The following PDE9A variants were observed in gnomAD, a reference collection of about 807,000 sequenced individuals.
PDE9A encodes the protein high affinity cGMP-specific 3',5'-cyclic phosphodiesterase 9A.
In PDE9A, 60 loss-of-function variants were observed where a neutral mutation model predicts 87.4. The ratio of observed to expected loss-of-function variants is 0.69; its 90% confidence interval spans 0.56 to 0.85. PDE9A has a LOEUF of 0.85. Among genes scored for constraint, PDE9A ranks in the 40% least tolerant of loss-of-function variants. PDE9A has a pLI of 0.00. For missense variants in PDE9A, 665 were observed against 779.0 expected, an observed-to-expected ratio of 0.85 and a Z score of 1.74; for synonymous variants, 272 against 279.4, an observed-to-expected ratio of 0.97 and a Z score of 0.27.
intron 3 of PDE9A, among the ~76,000 whole-genome samples, chr21:42,688,816 C>T (rs1378008681): frequency 1.3e-5 from 2 of 152,236 alleles, no homozygotes. Context: ...GTGTCCTGCC[C>T]AACTGACCCA....
At chr21:42,707,000 T>A (rs1441845645) in intron 4 of PDE9A, among the ~76,000 whole-genome samples, 2 of 152,166 alleles carry the variant, frequency 1.3e-5, no homozygotes, top group African/African-American at 2.4e-5. Flanking sequence ...TGTGGCTGTG[T>A]CACGTGGCTA....
At chr21:42,668,740 G>C (rs867272930) in intron 1 of PDE9A, among the ~76,000 whole-genome samples, 11 of 152,294 alleles carry the variant, frequency 7.2e-5, no homozygotes, top group Middle Eastern at 3.4e-3. Flanking sequence ...CGCAGATGCC[G>C]GCGCGGGGGA....
intron 15 of PDE9A, among the ~76,000 whole-genome samples, chr21:42,766,126 T>G (rs909231087): frequency 3.9e-5 from 6 of 152,052 alleles, no homozygotes; most frequent in Non-Finnish European, 8.8e-5. Context: ...TCCAAAAGTT[T>G]GAGACCAGTC....
intron 4 of PDE9A, among the ~76,000 whole-genome samples, chr21:42,715,249 G>GAAAAAA: frequency 7.7e-6 from 1 of 129,340 alleles, no homozygotes; most frequent in South Asian, 2.5e-4. Flanking sequence ...CGGCAAAATT[G>GAAAAAA]AGTGAAAAGT....
chr21:42,775,016 A>G (rs1602633464), intron 19 of PDE9A, among the ~76,000 whole-genome samples: 1 of 148,294 alleles, frequency 6.7e-6, no homozygotes, highest in Non-Finnish European at 1.5e-5. Context: ...ATCTCGGCTC[A>G]CTGCAATCTC....
intron 1 of PDE9A, among the ~76,000 whole-genome samples, chr21:42,668,602 A>AT (rs1245240093): frequency 1.3e-5 from 2 of 152,202 alleles, no homozygotes; most frequent in Non-Finnish European, 2.9e-5. Context: ...TCCATTATTT[A>AT]TAACAGTGGA....
intron 1 of PDE9A, among the ~76,000 whole-genome samples, chr21:42,663,600 GC>G (rs59111512): frequency 0.068 from 10,363 of 152,256 alleles, 662 homozygotes; most frequent in East Asian, 0.24. Context: ...GCCTGGCAGT[GC>G]CCCCCGTCTT....
At chr21:42,768,523 C>G in intron 16 of PDE9A, 3 of 1,299,388 alleles carry the variant, frequency 2.3e-6, no homozygotes, top group Non-Finnish European at 2.0e-6. Context: ...AAACTGTCAC[C>G]TGTCACTGCT....
chr21:42,709,691 G>A (rs772179011), intron 4 of PDE9A, among the ~76,000 whole-genome samples: 9 of 152,082 alleles, frequency 5.9e-5, no homozygotes, highest in South Asian at 2.1e-4. Context: ...GTGTGTGTGC[G>A]TTTGTTTTTT....
intron 1 of PDE9A, among the ~76,000 whole-genome samples, chr21:42,670,188 C>T (rs535127141): frequency 4.6e-4 from 58 of 126,144 alleles, no homozygotes; most frequent in Admixed American, 7.1e-4. Flanking sequence ...CATACACTTA[C>T]ACACATTCAC....
At chr21:42,755,232 T>C (rs1254898439) in intron 10 of PDE9A, among the ~76,000 whole-genome samples, 1 of 152,268 alleles carries the variant, frequency 6.6e-6, no homozygotes, top group Non-Finnish European at 1.5e-5. Context: ...GCGATGTCTC[T>C]GCAAAGGGCA....
intron 17 of PDE9A, among the ~76,000 whole-genome samples, 167 bp downstream of exon 17, chr21:42,769,322 C>T (rs2056704524): frequency 6.6e-6 from 1 of 150,680 alleles, no homozygotes; most frequent in South Asian, 2.1e-4. Context: ...TACACATATA[C>T]ACACACGCAC....
At chr21:42,728,532 C>T (rs1163532891) in intron 4 of PDE9A, among the ~76,000 whole-genome samples, 2 of 152,128 alleles carry the variant, frequency 1.3e-5, no homozygotes, top group Non-Finnish European at 2.9e-5. Flanking sequence ...CCTTATATCC[C>T]CAGAATAAAC....
chr21:42,666,185 G>A (rs1162958312), intron 1 of PDE9A, among the ~76,000 whole-genome samples: 1 of 151,906 alleles, frequency 6.6e-6, no homozygotes, highest in Non-Finnish European at 1.5e-5. Context: ...TGGTCATCAA[G>A]AAAGGGCGTG....
At chr21:42,770,189 C>T (rs2056902331) in intron 17 of PDE9A, among the ~76,000 whole-genome samples, 1 of 152,136 alleles carries the variant, frequency 6.6e-6, no homozygotes. Context: ...GGCCTCTGAG[C>T]TGCCTGTGGC....
At chr21:42,736,418 AT>A (rs1313333032) in intron 7 of PDE9A, among the ~76,000 whole-genome samples, 1 of 152,136 alleles carries the variant, frequency 6.6e-6, no homozygotes, top group African/African-American at 2.4e-5. Flanking sequence ...TGGCTGCGGA[AT>A]TCTCCAAAAT....
intron 1 of PDE9A, among the ~76,000 whole-genome samples, chr21:42,661,236 G>C (rs2057458112): frequency 6.6e-6 from 1 of 151,626 alleles, no homozygotes; most frequent in Non-Finnish European, 1.5e-5. Context: ...TCAGCACCTT[G>C]ACCAGGCTGG....
At chr21:42,755,623 G>A (rs2054951556) in intron 10 of PDE9A, among the ~76,000 whole-genome samples, 1 of 152,190 alleles carries the variant, frequency 6.6e-6, no homozygotes, top group Non-Finnish European at 1.5e-5. Flanking sequence ...AGGGGTGAGA[G>A]GGAAAGCTCA....
intron 1 of PDE9A, among the ~76,000 whole-genome samples, chr21:42,671,477 C>A (rs1203111191): frequency 2.0e-5 from 3 of 152,170 alleles, no homozygotes; most frequent in Non-Finnish European, 4.4e-5. Context: ...CAGTGATTGT[C>A]TGGCGGTTAA....
Sources: gnomAD v4.1 joint callset for allele counts (sites outside exome capture counted in the v4.1 genomes callset) on GRCh38, gnomAD v4.1.1 for gene constraint, MANE v1.5 for transcripts, NCBI Gene and HGNC (gene_info 2026-07-23, HGNC 2026-07-21) for gene names.